Variants in ST6GAL1 observed in about 807,000 individuals in gnomAD.
The protein encoded by ST6GAL1 is beta-galactoside alpha-2,6-sialyltransferase 1.
In ST6GAL1, 20 loss-of-function variants were observed where a neutral mutation model predicts 38.0. That is an observed-to-expected ratio of 0.53 (90% CI 0.37 to 0.77). The LOEUF is 0.77. ST6GAL1 is among the 30% of genes least tolerant of loss of function. ST6GAL1 has a pLI of 0.00. For synonymous variants in ST6GAL1, 196 were observed against 188.2 expected (o/e 1.04, Z -0.34); for missense variants, 432 against 496.4 (o/e 0.87, Z 1.23).
intron 1 of ST6GAL1, among the ~76,000 whole-genome samples, chr3:186,958,567 A>C (rs1323525910): frequency 6.6e-6 from 1 of 151,712 alleles, no homozygotes; most frequent in East Asian, 1.9e-4. Flanking sequence ...AGGGATATGG[A>C]GGGGTGGGGC....
chr3:186,962,175 C>T (rs982258842), intron 1 of ST6GAL1, among the ~76,000 whole-genome samples: 3 of 152,194 alleles, frequency 2.0e-5, no homozygotes, highest in Non-Finnish European at 2.9e-5. Context: ...CATCGCATGG[C>T]TCACTTCAGC....
chr3:187,030,062 G>A (rs1023802410), intron 2 of ST6GAL1, among the ~76,000 whole-genome samples: 1 of 152,158 alleles, frequency 6.6e-6, no homozygotes, highest in African/African-American at 2.4e-5. Flanking sequence ...CAATCACTGG[G>A]GTAGAGGAGA....
chr3:187,042,676 AAGTGACTT>A lies in ST6GAL1; in HGVS notation c.-27_-20del. ...TAGGCTTGTTTTCCTGCTCAGAACAAAGTGACTTCCCTGAACACATCTTCATTATGATT... is the reference window on the plus strand; with the variant it reads ...TAGGCTTGTTTTCCTGCTCAGAACAACCCTGAACACATCTTCATTATGATT... On this transcript the variant is annotated 5_prime_UTR_variant, in exon 4 of 8. Transcript: ENST00000169298. The A allele has an allele frequency of 6.4e-7, 1 of 1,562,686 alleles. No individual in the cohort carries two copies. Among genetic ancestry groups the A allele is most frequent in the Non-Finnish European group, 8.6e-7 (1 of 1,159,098 alleles).
At chr3:186,944,823 T>A (rs1714300226) in intron 1 of ST6GAL1, among the ~76,000 whole-genome samples, 2 of 152,212 alleles carry the variant, frequency 1.3e-5, no homozygotes, top group Admixed American at 1.3e-4. Context: ...TTGCTCATAT[T>A]CCATTGGCCA....
At chr3:186,967,976 A>C (rs1018116470) in intron 2 of ST6GAL1, among the ~76,000 whole-genome samples, 1 of 152,174 alleles carries the variant, frequency 6.6e-6, no homozygotes, top group African/African-American at 2.4e-5. Flanking sequence ...GGCAGTGGCA[A>C]TCCAAGAGAG....
intron 2 of ST6GAL1, among the ~76,000 whole-genome samples, chr3:187,003,608 A>G (rs1268024304): frequency 1.3e-5 from 2 of 152,158 alleles, no homozygotes; most frequent in Non-Finnish European, 2.9e-5. Flanking sequence ...TCTTTAATTA[A>G]ATTTGCTTCT....
intron 1 of ST6GAL1, among the ~76,000 whole-genome samples, chr3:186,942,761 T>G (rs192555235): frequency 3.9e-4 from 59 of 152,316 alleles, no homozygotes; most frequent in Non-Finnish European, 1.5e-5. Flanking sequence ...CACAGGAAGA[T>G]CTGCTGTGTC....
intron 1 of ST6GAL1, among the ~76,000 whole-genome samples, chr3:186,954,741 A>T (rs1452632941): frequency 6.6e-6 from 1 of 151,626 alleles, no homozygotes; most frequent in Non-Finnish European, 1.5e-5. Context: ...TGTCAAATGG[A>T]TAGATTAGAT....
intron 4 of ST6GAL1, among the ~76,000 whole-genome samples, chr3:187,047,491 T>A (rs1718340119): frequency 6.6e-6 from 1 of 152,202 alleles, no homozygotes; most frequent in Non-Finnish European, 1.5e-5. Flanking sequence ...GCTGATTCTG[T>A]TGAATTTTCT....
At chr3:187,043,375 A>G (rs1056565355) in intron 4 of ST6GAL1, 65 bp downstream of exon 4, 3 of 1,555,652 alleles carry the variant, frequency 1.9e-6, no homozygotes, top group Non-Finnish European at 2.6e-6. Context: ...TATTGATGGT[A>G]TGGGAGACAA....
intron 2 of ST6GAL1, among the ~76,000 whole-genome samples, chr3:187,026,157 G>T (rs1054271580): frequency 6.6e-5 from 10 of 152,192 alleles, no homozygotes; most frequent in Non-Finnish European, 1.2e-4. Flanking sequence ...TCGGTTTCTT[G>T]TTGCATATCA....
intron 1 of ST6GAL1, among the ~76,000 whole-genome samples, chr3:186,944,498 C>T (rs1714288698): frequency 6.6e-6 from 1 of 152,022 alleles, no homozygotes; most frequent in Non-Finnish European, 1.5e-5. Flanking sequence ...TTCATTCATG[C>T]AAAATCAAGA....
intron 1 of ST6GAL1, among the ~76,000 whole-genome samples, chr3:186,937,078 T>A (rs937637293): frequency 2.6e-5 from 4 of 151,078 alleles, no homozygotes; most frequent in African/African-American, 9.7e-5. Flanking sequence ...CAATTTTCCT[T>A]CTTCTTTTTT....
chr3:187,030,909 T>C (rs986719066), intron 2 of ST6GAL1, among the ~76,000 whole-genome samples: 4 of 152,276 alleles, frequency 2.6e-5, no homozygotes, highest in Admixed American at 2.6e-4. Context: ...TCAAGGTGAT[T>C]CTGGCAACTG....
At chr3:186,985,346 G>C (rs1308121545) in intron 2 of ST6GAL1, among the ~76,000 whole-genome samples, 1 of 151,992 alleles carries the variant, frequency 6.6e-6, no homozygotes, top group Non-Finnish European at 1.5e-5. Context: ...TAAGGGTGTT[G>C]ATCTTCATCT....
chr3:186,956,379 T>C (rs182198195), intron 1 of ST6GAL1, among the ~76,000 whole-genome samples: 1 of 152,210 alleles, frequency 6.6e-6, no homozygotes, highest in Non-Finnish European at 1.5e-5. Context: ...TGTTTTTTTT[T>C]CTTCCTGGTA....
At chr3:187,035,346 C>A (rs1717893953) in intron 2 of ST6GAL1, among the ~76,000 whole-genome samples, 1 of 152,168 alleles carries the variant, frequency 6.6e-6, no homozygotes, top group African/African-American at 2.4e-5. Flanking sequence ...TCTGTAGATT[C>A]AACACTGTTC....
intron 2 of ST6GAL1, among the ~76,000 whole-genome samples, chr3:187,015,633 G>C (rs531194243): frequency 2.6e-5 from 4 of 152,244 alleles, no homozygotes; most frequent in African/African-American, 9.6e-5. Context: ...AGCCCAGGGG[G>C]TTCAAGACCA....
At chr3:186,993,100 T>C (rs925989684) in intron 2 of ST6GAL1, among the ~76,000 whole-genome samples, 1 of 152,008 alleles carries the variant, frequency 6.6e-6, no homozygotes, top group Non-Finnish European at 1.5e-5. Context: ...CTGACTTGAG[T>C]GTTTGTGTCC....
Sources: allele counts gnomAD v4.1 joint callset (sites outside exome capture counted in the v4.1 genomes callset), GRCh38; gene constraint gnomAD v4.1.1; transcripts MANE v1.5; gene names NCBI Gene and HGNC (gene_info 2026-07-23, HGNC 2026-07-21).